KCNK2: variants seen among roughly 807,000 people sequenced by gnomAD.
The protein encoded by KCNK2 is potassium two pore domain channel subfamily K member 2, also known as potassium channel subfamily K member 2.
In KCNK2, 21 loss-of-function variants were observed where a neutral mutation model predicts 40.5. The ratio of observed to expected loss-of-function variants is 0.52; its 90% CI spans 0.37 to 0.75. The LOEUF is 0.75. Ranked by LOEUF, KCNK2 falls within the 30% of genes least tolerant of loss-of-function variation. The probability of loss-of-function intolerance (pLI) is 0.00; values close to 1 mark genes in which losing one functional copy is unlikely to be tolerated. For synonymous variants in KCNK2, 191 were observed against 202.2 expected, an observed-to-expected ratio of 0.94 and a Z score of 0.47; for missense variants, 399 against 531.6, an observed-to-expected ratio of 0.75 and a Z score of 2.45.
chr1:215,005,986 ATTTG>A, intron 1 of KCNK2: 1 of 1,589,342 alleles, frequency 6.3e-7, no homozygotes, highest in African/African-American at 1.3e-5. Flanking sequence ...CAAGTACCTT[ATTTG>A]TTTTCAAATT....
At chr1:215,168,066 A>T (rs998948320) in intron 3 of KCNK2, among the ~76,000 whole-genome samples, 2 of 152,226 alleles carry the variant, frequency 1.3e-5, no homozygotes, top group Admixed American at 6.5e-5. Flanking sequence ...ATGAACAGAC[A>T]CTTCTCAAAA....
intron 1 of KCNK2, 30 bp from the exon 2 acceptor site, chr1:215,086,338 A>G (rs887190933): frequency 1.2e-5 from 19 of 1,587,276 alleles, no homozygotes; most frequent in Non-Finnish European, 1.6e-5. Flanking sequence ...CATCTCCTCC[A>G]ACCTAACCCT....
At chr1:215,150,921 C>T (rs1286364373) in intron 3 of KCNK2, among the ~76,000 whole-genome samples, 3 of 151,814 alleles carry the variant, frequency 2.0e-5, no homozygotes, top group African/African-American at 7.2e-5. Flanking sequence ...AAATGGATAT[C>T]ATTTTTCCTG....
chr1:215,087,029 G>T (rs180857154), intron 2 of KCNK2, among the ~76,000 whole-genome samples: 17 of 152,300 alleles, frequency 1.1e-4, no homozygotes, highest in Non-Finnish European at 2.1e-4. Flanking sequence ...TGGGGTTGGG[G>T]TTACCACGCT....
intron 2 of KCNK2, among the ~76,000 whole-genome samples, chr1:215,103,749 G>A (rs1042864377): frequency 4.6e-5 from 7 of 152,024 alleles, no homozygotes; most frequent in African/African-American, 1.7e-4. Flanking sequence ...ATGCAAATAA[G>A]TATTTTTTGA....
At chr1:215,201,269 G>T (rs1168966581) in intron 6 of KCNK2, among the ~76,000 whole-genome samples, 1 of 152,128 alleles carries the variant, frequency 6.6e-6, no homozygotes, top group Non-Finnish European at 1.5e-5. Context: ...TGAAGAAAAA[G>T]AATCCAAGAA....
chr1:215,137,085 T>C (rs1247931621), intron 3 of KCNK2, among the ~76,000 whole-genome samples: 2 of 152,176 alleles, frequency 1.3e-5, no homozygotes, highest in Non-Finnish European at 2.9e-5. Context: ...ATCAGTGAAA[T>C]TGTCTCAAAA....
In KCNK2 at chr1:215,083,160, C is replaced by G; in HGVS notation, c.-226C>G. 1.4e-5 allele frequency: 13 copies of G among 948,098 alleles called. No homozygotes were observed. Among genetic ancestry groups the G allele is most frequent in the Non-Finnish European group, 2.1e-5 (13 of 619,746 alleles). 58.7% of individuals were successfully genotyped at this position (948,098 alleles called of 1,614,324 possible). A position where few individuals can be genotyped will look rare whatever the true frequency, so the allele number is the denominator to read the frequency against. On this transcript the variant is annotated 5_prime_UTR_variant, in exon 1 of 7. Coordinates refer to ENST00000444842, the MANE Select transcript of KCNK2 (RefSeq NM_001017425.3). ...CGCCCTCTGCCCAGCCCGCCGGTGTCCCCTCCTTCCCGCGATTTCGTTTCT... is the reference window on the plus strand; with the variant it reads ...CGCCCTCTGCCCAGCCCGCCGGTGTGCCCTCCTTCCCGCGATTTCGTTTCT...
At chr1:215,156,464 G>T (rs2102618795) in intron 3 of KCNK2, among the ~76,000 whole-genome samples, 1 of 152,318 alleles carries the variant, frequency 6.6e-6, no homozygotes, top group East Asian at 1.9e-4. Flanking sequence ...CTTTGGCACA[G>T]ACTGCCTGCA....
chr1:215,208,984 C>T (rs534410669), intron 6 of KCNK2, among the ~76,000 whole-genome samples: 78 of 151,544 alleles, frequency 5.1e-4, no homozygotes, highest in Middle Eastern at 3.4e-3. Flanking sequence ...CCTGCCACCA[C>T]GCCCAGCTAA....
At chr1:215,128,100 G>A (rs1661512740) in intron 3 of KCNK2, among the ~76,000 whole-genome samples, 1 of 152,148 alleles carries the variant, frequency 6.6e-6, no homozygotes, top group South Asian at 2.1e-4. Context: ...GAACATATTG[G>A]TGCAACACTT....
chr1:215,080,122 T>A (rs1659094305), upstream of KCNK2, among the ~76,000 whole-genome samples: 1 of 152,206 alleles, frequency 6.6e-6, no homozygotes, highest in South Asian at 2.1e-4. Context: ...GCATTTGGGA[T>A]TCATGATGAG....
At chr1:215,203,504 A>G (rs932799600) in intron 6 of KCNK2, among the ~76,000 whole-genome samples, 3 of 152,060 alleles carry the variant, frequency 2.0e-5, no homozygotes, top group African/African-American at 4.8e-5. Context: ...AATTATCTCA[A>G]ATCAATTTTA....
At chr1:215,134,686 C>A (rs1237925632) in intron 3 of KCNK2, among the ~76,000 whole-genome samples, 5 of 152,056 alleles carry the variant, frequency 3.3e-5, no homozygotes, top group Admixed American at 3.3e-4. Flanking sequence ...AGCCGCCATC[C>A]TGAAGCTATC....
At chr1:215,026,257 A>G (rs1215287569) in intron 1 of KCNK2, among the ~76,000 whole-genome samples, 1 of 151,922 alleles carries the variant, frequency 6.6e-6, no homozygotes, top group Non-Finnish European at 1.5e-5. Flanking sequence ...TTAAACTCTT[A>G]TCTGTCATCT....
At chr1:215,167,361 T>C (rs2102631486) in intron 3 of KCNK2, among the ~76,000 whole-genome samples, 1 of 151,546 alleles carries the variant, frequency 6.6e-6, no homozygotes, top group African/African-American at 2.4e-5. Flanking sequence ...TCCCAAAATA[T>C]CTGCTCACAT....
intron 2 of KCNK2, among the ~76,000 whole-genome samples, chr1:215,087,860 C>T (rs1344024370): frequency 6.6e-6 from 1 of 152,198 alleles, no homozygotes; most frequent in African/African-American, 2.4e-5. Flanking sequence ...ATAGTCCTCT[C>T]AATTTACAGC....
At chr1:215,113,352 C>T (rs1166900017) in intron 2 of KCNK2, among the ~76,000 whole-genome samples, 1 of 152,110 alleles carries the variant, frequency 6.6e-6, no homozygotes, top group Non-Finnish European at 1.5e-5. Flanking sequence ...ACCCCAAGAC[C>T]TGAACCTGGC....
At position 215,083,169 on chromosome 1, in the gene KCNK2, C is replaced by G; in HGVS notation, c.-217C>G. ...CCCAGCCCGCCGGTGTCCCCTCCTT[C>G]CCGCGATTTCGTTTCTTCTCACGCT... On this transcript the variant is annotated 5_prime_UTR_variant, in exon 1 of 7. Coordinates refer to ENST00000444842, the MANE Select transcript of KCNK2 (RefSeq NM_001017425.3). The G allele has an allele frequency of 4.7e-6, 5 of 1,063,218 alleles. No individual in the cohort carries two copies. The highest frequency in any genetic ancestry group is 2.8e-6 in the Non-Finnish European group (2 of 720,486). 65.9% of individuals were successfully genotyped at this position (1,063,218 alleles called of 1,614,324 possible).
Sources: allele counts gnomAD v4.1 joint callset (sites outside exome capture counted in the v4.1 genomes callset), GRCh38; gene constraint gnomAD v4.1.1; transcripts MANE v1.5; gene names NCBI Gene and HGNC (gene_info 2026-07-23, HGNC 2026-07-21).